The following SPRED2 variants were observed in gnomAD, a reference collection of about 807,000 sequenced individuals.
SPRED2 encodes the protein sprouty related EVH1 domain containing 2, also known as sprouty-related, EVH1 domain-containing protein 2.
In SPRED2, 47 loss-of-function variants were observed where a neutral mutation model predicts 43.0. That is an observed-to-expected ratio of 1.09 (90% CI 0.87 to 1.40). SPRED2 has a LOEUF of 1.40. Among genes scored for constraint, SPRED2 ranks in the 40% most tolerant of loss-of-function variants. The pLI is 0.00. For synonymous variants in SPRED2, 225 were observed against 225.7 expected (o/e 1.00, Z 0.03); for missense variants, 561 against 586.4 (o/e 0.96, Z 0.45).
chr2:65,315,385 C>G (rs1673203781), intron 5 of SPRED2, among the ~76,000 whole-genome samples: 1 of 152,184 alleles, frequency 6.6e-6, no homozygotes, highest in African/African-American at 2.4e-5. Context: ...ATAACTCTCG[C>G]CATCACAGTC....
intron 4 of SPRED2, among the ~76,000 whole-genome samples, chr2:65,330,477 CT>C (rs969019838): frequency 3.3e-5 from 5 of 151,406 alleles, no homozygotes; most frequent in African/African-American, 7.3e-5. Flanking sequence ...TTTTATTAGA[CT>C]TTTTTTTTGG....
intron 1 of SPRED2, among the ~76,000 whole-genome samples, chr2:65,393,196 A>G (rs1195719672): frequency 1.3e-5 from 2 of 152,044 alleles, no homozygotes; most frequent in African/African-American, 4.8e-5. Context: ...AAAAAACCCA[A>G]TGTTGCGAAT....
At chr2:65,317,910 C>A (rs1312485332) in intron 4 of SPRED2, among the ~76,000 whole-genome samples, 2 of 152,084 alleles carry the variant, frequency 1.3e-5, no homozygotes. Flanking sequence ...AGACTGGAGT[C>A]TCCGTAACCA....
In SPRED2 at chr2:65,334,781, A is replaced by C; in HGVS notation, c.205-8T>G. ...ATAGCATTCCAATACCACCTGAAGG[A>C]TGGAAACACACAGGCTGGTTACTAG... On this transcript the variant is annotated splice_region_variant and splice_polypyrimidine_tract_variant and intron_variant, in intron 2 of 5. Transcript: ENST00000356388. The C allele has an allele frequency of 6.2e-7, 1 of 1,614,096 alleles. No homozygotes were observed. Among genetic ancestry groups the C allele is most frequent in the Non-Finnish European group, 8.5e-7 (1 of 1,179,964 alleles).
At chr2:65,384,789 A>G (rs371151837) in intron 1 of SPRED2, among the ~76,000 whole-genome samples, 13 of 152,274 alleles carry the variant, frequency 8.5e-5, no homozygotes, top group African/African-American at 3.1e-4. Context: ...CTTGATTTAC[A>G]GTATGCTTAT....
chr2:65,374,880 G>GT (rs1675202713), intron 1 of SPRED2, among the ~76,000 whole-genome samples: 3 of 152,216 alleles, frequency 2.0e-5, no homozygotes, highest in Admixed American at 2.0e-4. Flanking sequence ...CTTGTTTCGA[G>GT]TATCTCCTCC....
chr2:65,322,292 A>ATTTTTTTTT (rs1490204181), intron 4 of SPRED2, among the ~76,000 whole-genome samples: 16 of 70,794 alleles, frequency 2.3e-4, no homozygotes, highest in African/African-American at 1.1e-3. Context: ...ATATATATAT[A>ATTTTTTTTT]TATTTTTTTT....
At chr2:65,380,411 C>A (rs1675344798) in intron 1 of SPRED2, among the ~76,000 whole-genome samples, 1 of 152,136 alleles carries the variant, frequency 6.6e-6, no homozygotes, top group Non-Finnish European at 1.5e-5. Context: ...TCCAGAGACG[C>A]TGTCAGAAGT....
intron 1 of SPRED2, among the ~76,000 whole-genome samples, chr2:65,425,454 T>C (rs895260111): frequency 2.6e-5 from 4 of 152,232 alleles, no homozygotes; most frequent in African/African-American, 9.6e-5. Context: ...AAGCACAATT[T>C]GATAATACGT....
At chr2:65,339,079 T>C (rs545561326) in intron 2 of SPRED2, among the ~76,000 whole-genome samples, 8 of 88,024 alleles carry the variant, frequency 9.1e-5, no homozygotes, top group South Asian at 4.3e-4. Flanking sequence ...GGCCAGCCGC[T>C]CCGTCCGGGA....
intron 1 of SPRED2, among the ~76,000 whole-genome samples, chr2:65,367,780 C>T (rs1040334607): frequency 6.6e-5 from 10 of 152,134 alleles, no homozygotes; most frequent in Non-Finnish European, 1.0e-4. Flanking sequence ...GGTGACTATA[C>T]CCAGCTTCCT....
At position 65,368,823 on chromosome 2, in the gene SPRED2, C is replaced by T. The variant is rs187323716; in HGVS notation, c.27-23927G>A. On this transcript the variant is annotated intron_variant, in intron 1 of 5. Transcript: ENST00000356388. ...ATTATTGGGTGCAGTGGCTCATGCC[C>T]GTAATCCCAACACTTTGGGAGGCTG... 1.7e-4 allele frequency among the ~76,000 whole-genome samples: 26 copies of T among 152,236 alleles called. No individual in the cohort carries two copies. The East Asian group carries it at 3.9e-3, about 23-fold the overall frequency.
Position 65,386,285 on chromosome 2 carries a change from C to CAAAAAAAA in SPRED2, c.27-41397_27-41390dup, listed in dbSNP as rs761665293. On this transcript the variant is annotated intron_variant, in intron 1 of 5. Coordinates refer to ENST00000356388, the MANE Select transcript of SPRED2 (RefSeq NM_181784.3). ...GGGCGACAAGAGTGAGACTCTGTCT[C>CAAAAAAAA]AAAAAAAAAAAAAAAAAAAGAAAGC... Among the ~76,000 whole-genome samples the CAAAAAAAA allele has an allele frequency of 7.2e-5, 4 of 55,486 alleles. 2 individuals are homozygous for CAAAAAAAA. The highest frequency in any genetic ancestry group is 1.2e-4 in the Non-Finnish European group (4 of 32,940). 36.4% of individuals were successfully genotyped at this position (55,486 alleles called of 152,430 possible). A position where few individuals can be genotyped will look rare whatever the true frequency, so the allele number is the denominator to read the frequency against.
Position 65,344,735 on chromosome 2 carries a change from C to T in SPRED2, c.188G>A (p.Arg63Gln), listed in dbSNP as rs1465584619. 3 of 1,614,122 alleles carry T rather than the reference C, an allele frequency of 1.9e-6. No homozygotes were observed. The highest frequency in any genetic ancestry group is 2.5e-6 in the Non-Finnish European group (3 of 1,179,962). The change falls in exon 2 of 6, where the codon CGA becomes CAA. Residue 63 changes from arginine to glutamine, a missense_variant. Arg to Gln is a conservative substitution (Grantham distance 43). Coordinates refer to ENST00000356388, the MANE Select transcript of SPRED2 (RefSeq NM_181784.3). ...GRSGFLIHGE[R>Q]QKDKLVVLEC... ...TGCCATTACCAGTTTGTCTTTCTGTCGTTCACCATGGATGAGAAAGCCGCT... is the reference window on the plus strand; with the variant it reads ...TGCCATTACCAGTTTGTCTTTCTGTTGTTCACCATGGATGAGAAAGCCGCT...
intron 2 of SPRED2, among the ~76,000 whole-genome samples, chr2:65,338,904 C>T (rs1674072584): frequency 6.6e-6 from 1 of 152,068 alleles, no homozygotes; most frequent in Non-Finnish European, 1.5e-5. Flanking sequence ...AGCGTCTCTG[C>T]CCGGCAGCCC....
At chr2:65,359,404 G>C (rs1201615400) in intron 1 of SPRED2, among the ~76,000 whole-genome samples, 1 of 149,262 alleles carries the variant, frequency 6.7e-6, no homozygotes, top group African/African-American at 2.4e-5. Context: ...AGTGTAGTTT[G>C]AAGTACTTGA....
intron 1 of SPRED2, chr2:65,378,027 C>A: frequency 4.5e-6 from 1 of 224,380 alleles, no homozygotes; most frequent in Non-Finnish European, 9.1e-6. Flanking sequence ...CAAGATCCCA[C>A]CAGAAGGGCT....
chr2:65,411,679 G>A (rs1426172311), intron 1 of SPRED2, among the ~76,000 whole-genome samples: 2 of 152,144 alleles, frequency 1.3e-5, no homozygotes, highest in African/African-American at 2.4e-5. Flanking sequence ...CCTTTGGAAC[G>A]CTGGTGACTT....
intron 1 of SPRED2, among the ~76,000 whole-genome samples, chr2:65,369,705 C>CG (rs1675075226): frequency 1.3e-4 from 1 of 7,748 alleles, no homozygotes; most frequent in Non-Finnish European, 2.8e-4. Context: ...ACAGCAGAAG[C>CG]TGCTCTGTGC....
Sources: allele counts gnomAD v4.1 joint callset (sites outside exome capture counted in the v4.1 genomes callset), GRCh38; gene constraint gnomAD v4.1.1; transcripts MANE v1.5; gene names NCBI Gene and HGNC (gene_info 2026-07-23, HGNC 2026-07-21).